The following DZANK1 variants were observed in gnomAD, a reference collection of about 807,000 sequenced individuals.
DZANK1 encodes double zinc ribbon and ankyrin repeat-containing protein 1.
A neutral mutation model predicts 94.5 loss-of-function variants in DZANK1; 91 were observed. The ratio of observed to expected loss-of-function variants is 0.96; its 90% CI spans 0.81 to 1.15. The LOEUF is 1.15. Among genes scored for constraint, DZANK1 ranks in the 50% most tolerant of loss-of-function variants. DZANK1 has a pLI of 0.00. For synonymous variants in DZANK1, 312 were observed against 325.3 expected, an observed-to-expected ratio of 0.96 and a Z score of 0.44; for missense variants, 903 against 916.4, an observed-to-expected ratio of 0.99 and a Z score of 0.19.
At chr20:18,448,963 T>C in intron 7 of DZANK1, 21 bp downstream of exon 7, 1 of 1,589,832 alleles carries the variant, frequency 6.3e-7, no homozygotes, top group Non-Finnish European at 8.6e-7. Flanking sequence ...TAAGGCAGAG[T>C]AAAGAGAATG....
chr20:18,440,764 G>A (rs1397433794), intron 8 of DZANK1, among the ~76,000 whole-genome samples: 1 of 152,116 alleles, frequency 6.6e-6, no homozygotes, highest in Non-Finnish European at 1.5e-5. Context: ...ACATCCATTG[G>A]GCAGGAGGCA....
chr20:18,396,622 C>T, intron 14 of DZANK1, 76 bp from the exon 15 acceptor site: 1 of 1,018,876 alleles, frequency 9.8e-7, no homozygotes, highest in South Asian at 1.6e-5. Context: ...TGTACAAATT[C>T]TGAGATGTCA....
chr20:18,454,145 G>C, intron 4 of DZANK1: 2 of 417,720 alleles, frequency 4.8e-6, no homozygotes, highest in Non-Finnish European at 9.2e-6. Flanking sequence ...CAAGTCCAGA[G>C]GGCAAAGGCA....
chr20:18,460,246 C>A, exon 3 of DZANK1: 2 of 1,593,412 alleles, frequency 1.3e-6, no homozygotes, highest in South Asian at 1.1e-5. Flanking sequence ...ATAACCAATT[C>A]TCTTTAGAAA....
chr20:18,443,141 C>T lies in DZANK1; in HGVS notation c.747+206G>A, dbSNP rs531854253. On this transcript the variant is annotated intron_variant, in intron 8 of 20. Transcript: ENST00000262547. ...ATAAGATTCCAATCTTTTTTAAGCC[C>T]GTGCTTCTGGCAGGCCACACAAAAG... Among the ~76,000 whole-genome samples, 170 of 152,220 alleles carry T rather than the reference C, an allele frequency of 1.1e-3. 1 individual carries two copies. Among genetic ancestry groups the T allele is most frequent in the African/African-American group, 3.9e-3 (160 of 41,530 alleles).
chr20:18,423,621 G>A (rs1002361233), intron 10 of DZANK1, among the ~76,000 whole-genome samples: 1 of 152,292 alleles, frequency 6.6e-6, no homozygotes, highest in South Asian at 2.1e-4. Flanking sequence ...TATACAGAGT[G>A]TGCTCTCTGA....
At chr20:18,452,382 C>A (rs2059133900) in intron 6 of DZANK1, among the ~76,000 whole-genome samples, 1 of 152,164 alleles carries the variant, frequency 6.6e-6, no homozygotes, top group Non-Finnish European at 1.5e-5. Context: ...ACGCTTACCA[C>A]CATTTTAAAT....
rs576930877 is a variant in DZANK1 at position 18,394,595 on chromosome 20, C to T, written c.1612-245G>A. Reference sequence around the variant, plus strand: ...CTCTCCCTCCCTGAAGCCCCAGCCCCCTCGTCTCACATTGGGACCATCACA... The same window carrying T: ...CTCTCCCTCCCTGAAGCCCCAGCCCTCTCGTCTCACATTGGGACCATCACA... On this transcript the variant is annotated intron_variant, in intron 15 of 20. Coordinates refer to ENST00000262547, the Ensembl canonical transcript of DZANK1. 1.8e-4 allele frequency: 117 copies of T among 666,226 alleles called. 1 individual carries two copies. The highest frequency in any genetic ancestry group is 1.6e-3 in the South Asian group (113 of 71,326). 41.3% of individuals were successfully genotyped at this position (666,226 alleles called of 1,614,324 possible).
At chr20:18,409,551 TAC>T (rs71194238) in intron 13 of DZANK1, among the ~76,000 whole-genome samples, 5,757 of 142,552 alleles carry the variant, frequency 0.04, 156 homozygotes, top group African/African-American at 0.079. Context: ...GTAATATGAA[TAC>T]ACACACACAC....
intron 17 of DZANK1, among the ~76,000 whole-genome samples, chr20:18,392,707 T>C (rs1336822051): frequency 6.6e-6 from 1 of 152,242 alleles, no homozygotes. Flanking sequence ...TGGGAAACTC[T>C]AAAACGGTAC....
chr20:18,424,232 C>G (rs111839307), intron 10 of DZANK1, among the ~76,000 whole-genome samples: 2 of 152,034 alleles, frequency 1.3e-5, no homozygotes, highest in Non-Finnish European at 2.9e-5. Context: ...GGTGGATCAC[C>G]TGAGGTCAGT....
chr20:18,384,439 T>C (rs376984958), exon 21 of DZANK1: 127 of 1,611,882 alleles, frequency 7.9e-5, no homozygotes, highest in Non-Finnish European at 2.5e-5. Flanking sequence ...TTGAGCGAGT[T>C]GGTCCTCAAG....
chr20:18,460,330 C>A (rs748169181), intron 2 of DZANK1, 24 bp from the exon 3 acceptor site: 9 of 1,479,664 alleles, frequency 6.1e-6, no homozygotes, highest in Non-Finnish European at 8.2e-6. Flanking sequence ...AACAGGATAA[C>A]TATAATTAAC....
At chr20:18,423,389 T>C (rs969518329) in intron 10 of DZANK1, among the ~76,000 whole-genome samples, 3 of 152,220 alleles carry the variant, frequency 2.0e-5, no homozygotes, top group African/African-American at 7.2e-5. Context: ...CTTCCTATAG[T>C]TGGAGCTTTC....
intron 4 of DZANK1, chr20:18,454,156 G>C (rs1240540741): frequency 5.1e-6 from 2 of 395,036 alleles, no homozygotes; most frequent in East Asian, 6.7e-5. Context: ...GGCAAAGGCA[G>C]GGTAGAGTCA....
intron 2 of DZANK1, among the ~76,000 whole-genome samples, chr20:18,461,599 TC>T (rs1241448133): frequency 1.6e-5 from 2 of 127,914 alleles, no homozygotes; most frequent in African/African-American, 6.1e-5. Flanking sequence ...GCATTTGTAA[TC>T]TTTTTTTTTT....
At position 18,411,710 on chromosome 20, in the gene DZANK1, AT is replaced by A. The variant is rs2057264987; in HGVS notation, c.1432+935del. On this transcript the variant is annotated intron_variant, in intron 13 of 20. Coordinates refer to ENST00000262547, the Ensembl canonical transcript of DZANK1. Reference sequence around the variant, plus strand: ...TATAGACACAAAAGTCTTCAAGAAAATACTAGCAAACTGTCTTAGTCCATTT... The same window carrying A: ...TATAGACACAAAAGTCTTCAAGAAAAACTAGCAAACTGTCTTAGTCCATTT... Among the ~76,000 whole-genome samples, 3 of 152,230 alleles carry A rather than the reference AT, an allele frequency of 2.0e-5. No individual in the cohort carries two copies. In the South Asian group the frequency reaches 6.2e-4, roughly 31 times the overall value.
At chr20:18,434,062 C>T (rs2058404387) in intron 8 of DZANK1, 2 of 243,198 alleles carry the variant, frequency 8.2e-6, no homozygotes, top group Non-Finnish European at 1.6e-5. Flanking sequence ...TAAATATGTA[C>T]AATTACTATG....
chr20:18,423,693 T>C (rs1190325065), intron 10 of DZANK1, among the ~76,000 whole-genome samples: 1 of 152,178 alleles, frequency 6.6e-6, no homozygotes, highest in Non-Finnish European at 1.5e-5. Flanking sequence ...GTGCATATGT[T>C]TTGGAATCAA....
Sources: allele counts gnomAD v4.1 joint callset (sites outside exome capture counted in the v4.1 genomes callset), GRCh38; gene constraint gnomAD v4.1.1; transcripts MANE v1.5; gene names NCBI Gene and HGNC (gene_info 2026-07-23, HGNC 2026-07-21).